The following ATP10B variants were observed in gnomAD, a reference collection of about 807,000 sequenced individuals.
The protein encoded by ATP10B is phospholipid-transporting ATPase VB.
ATP10B carries 122 observed loss-of-function variants against 141.2 expected under a neutral mutation model. That is an observed-to-expected ratio of 0.86 (90% CI 0.75 to 1.00). The LOEUF is 1.00. ATP10B is among the 50% of genes least tolerant of loss of function. The probability of loss-of-function intolerance (pLI) is 0.00; values close to 1 mark genes in which losing one functional copy is unlikely to be tolerated. For missense variants in ATP10B, 1,876 were observed against 1,825.3 expected, an observed-to-expected ratio of 1.03 and a Z score of -0.51; for synonymous variants, 685 against 692.0, an observed-to-expected ratio of 0.99 and a Z score of 0.16.
intron 19 of ATP10B, among the ~76,000 whole-genome samples, chr5:160,604,363 T>A (rs1319083809): frequency 6.6e-6 from 1 of 152,158 alleles, no homozygotes; most frequent in Non-Finnish European, 1.5e-5. Context: ...AATGTTACAA[T>A]GAACTTTACT....
At chr5:160,692,426 T>G (rs992911833) in intron 3 of ATP10B, among the ~76,000 whole-genome samples, 1 of 152,110 alleles carries the variant, frequency 6.6e-6, no homozygotes, top group Non-Finnish European at 1.5e-5. Context: ...TGGACAGAAA[T>G]AGAGTCATAA....
At chr5:160,618,053 G>T in intron 15 of ATP10B, 80 bp from the exon 16 acceptor site, 1 of 1,093,910 alleles carries the variant, frequency 9.1e-7, no homozygotes, top group Non-Finnish European at 1.4e-6. Flanking sequence ...GGAATCTCCT[G>T]TAGTAGACTA....
chr5:160,637,228 CCATT>C (rs1280587258), intron 10 of ATP10B, among the ~76,000 whole-genome samples: 1 of 151,266 alleles, frequency 6.6e-6, no homozygotes. Context: ...ACCCACCCAC[CCATT>C]CATCCATTCA....
intron 2 of ATP10B, among the ~76,000 whole-genome samples, chr5:160,752,360 A>G (rs1768217851): frequency 6.6e-6 from 1 of 152,144 alleles, no homozygotes; most frequent in Admixed American, 6.5e-5. Context: ...AGCTTGTGAC[A>G]GGCTTAATGA....
intron 13 of ATP10B, among the ~76,000 whole-genome samples, chr5:160,624,856 T>TAAGAGAACATA (rs1758531194): frequency 6.6e-6 from 1 of 152,218 alleles, no homozygotes; most frequent in Non-Finnish European, 1.5e-5. Flanking sequence ...GTTTTTCATT[T>TAAGAGAACATA]CTGTGGTCAC....
At chr5:160,750,001 T>C (rs890792166) in intron 2 of ATP10B, among the ~76,000 whole-genome samples, 4 of 152,200 alleles carry the variant, frequency 2.6e-5, no homozygotes, top group Non-Finnish European at 5.9e-5. Flanking sequence ...ATTTCCTCCT[T>C]CTTTTACGGG....
At chr5:160,922,073 T>G in the ATP10B span, among the ~76,000 whole-genome samples, 1 of 152,182 alleles carries the variant, frequency 6.6e-6, no homozygotes, top group African/African-American at 2.4e-5. Context: ...AAATGACATA[T>G]TTTCATGCGG....
At chr5:160,870,751 C>CA in the ATP10B span, among the ~76,000 whole-genome samples, 8 of 150,784 alleles carry the variant, frequency 5.3e-5, no homozygotes, top group East Asian at 2.0e-4. Flanking sequence ...AAAAAAAACA[C>CA]AAAAAACAAA....
chr5:160,805,407 A>C (rs1418525204), intron 1 of ATP10B, among the ~76,000 whole-genome samples: 1 of 152,222 alleles, frequency 6.6e-6, no homozygotes, highest in African/African-American at 2.4e-5. Context: ...ATCTGAATTA[A>C]GTGTGTCTTA....
intron 24 of ATP10B, among the ~76,000 whole-genome samples, chr5:160,576,722 C>T (rs1755214047): frequency 6.6e-6 from 1 of 152,084 alleles, no homozygotes; most frequent in South Asian, 2.1e-4. Context: ...AATGCAGAGG[C>T]CTAGAAGCAA....
intron 9 of ATP10B, among the ~76,000 whole-genome samples, chr5:160,643,659 A>G (rs934244764): frequency 6.6e-6 from 1 of 152,068 alleles, no homozygotes; most frequent in Non-Finnish European, 1.5e-5. Context: ...AACAACTAAA[A>G]CCCACTGAGC....
At chr5:160,874,368 C>T in the ATP10B span, among the ~76,000 whole-genome samples, 2 of 152,058 alleles carry the variant, frequency 1.3e-5, no homozygotes, top group African/African-American at 4.8e-5. Flanking sequence ...GACATCCACA[C>T]CAAAAACTCA....
chr5:160,599,926 G>T (rs1449015021), intron 21 of ATP10B, among the ~76,000 whole-genome samples: 1 of 152,200 alleles, frequency 6.6e-6, no homozygotes, highest in African/African-American at 2.4e-5. Flanking sequence ...AAATCATTCA[G>T]CAGGTTTGTG....
chr5:160,870,337 T>A, the ATP10B span, among the ~76,000 whole-genome samples: 1 of 151,920 alleles, frequency 6.6e-6, no homozygotes, highest in Admixed American at 6.6e-5. Flanking sequence ...AACTGGTACA[T>A]CATGTTCAGC....
intron 19 of ATP10B, 22 bp downstream of exon 19, chr5:160,606,743 C>T (rs763465728): frequency 7.5e-6 from 12 of 1,599,406 alleles, no homozygotes; most frequent in East Asian, 2.2e-5. Flanking sequence ...AAGTGCCACC[C>T]GCATCTCAGT....
chr5:160,680,480 A>G (rs1192833755), intron 6 of ATP10B, among the ~76,000 whole-genome samples: 1 of 152,190 alleles, frequency 6.6e-6, no homozygotes, highest in Admixed American at 6.5e-5. Context: ...AATCCACTTC[A>G]GAGGTGGAAA....
chr5:160,686,897 C>T, intron 5 of ATP10B: 1 of 954,202 alleles, frequency 1.0e-6, no homozygotes, highest in Non-Finnish European at 1.2e-6. Flanking sequence ...GATATATAAG[C>T]ACATATTTTA....
At chr5:160,756,647 T>G (rs1340531511) in intron 2 of ATP10B, among the ~76,000 whole-genome samples, 1 of 152,150 alleles carries the variant, frequency 6.6e-6, no homozygotes, top group Non-Finnish European at 1.5e-5. Flanking sequence ...ATGTGTTTAT[T>G]TGCCATCCGT....
intron 25 of ATP10B, among the ~76,000 whole-genome samples, chr5:160,567,419 C>T (rs1754609740): frequency 6.6e-6 from 1 of 152,186 alleles, no homozygotes; most frequent in South Asian, 2.1e-4. Context: ...GAAATGCCCC[C>T]TCCATTTATA....
Sources: gnomAD v4.1 joint callset for allele counts (sites outside exome capture counted in the v4.1 genomes callset) on GRCh38, gnomAD v4.1.1 for gene constraint, MANE v1.5 for transcripts, NCBI Gene and HGNC (gene_info 2026-07-23, HGNC 2026-07-21) for gene names.